Variants in ADAMTS20 observed in about 807,000 individuals in gnomAD.
The protein encoded by ADAMTS20 is ADAM metallopeptidase with thrombospondin type 1 motif 20, also known as A disintegrin and metalloproteinase with thrombospondin motifs 20.
A neutral mutation model predicts 260.1 loss-of-function variants in ADAMTS20; 225 were observed. The ratio of observed to expected loss-of-function variants is 0.87; its 90% CI spans 0.78 to 0.97. The LOEUF is 0.97. Ranked by LOEUF, ADAMTS20 falls within the 50% of genes least tolerant of loss-of-function variation. The pLI, the probability that ADAMTS20 is intolerant of heterozygous loss-of-function variation, is 0.00. For synonymous variants in ADAMTS20, 802 were observed against 769.5 expected (o/e 1.04, Z -0.70); for missense variants, 2,400 against 2,337.7 (o/e 1.03, Z -0.55).
At chr12:43,418,300 G>T (rs1449481665) in intron 28 of ADAMTS20, among the ~76,000 whole-genome samples, 1 of 152,046 alleles carries the variant, frequency 6.6e-6, no homozygotes, top group African/African-American at 2.4e-5. Context: ...CTCCTGCTAG[G>T]TGATTTTGCC....
In ADAMTS20 at chr12:43,383,721, G is replaced by A; in HGVS notation, c.4634C>T (p.Thr1545Ile). Reference protein sequence around the residue: ...GMERGRLNCSTSCERKDSHQR... With the variant: ...GMERGRLNCSISCERKDSHQR... ...ATGTGAATCTTTTCTCTCACATGAT[G>A]TTGAACACTAGAAATGCAATAACCA... The change falls in exon 31 of 39, where the codon ACA (threonine) becomes ATA (isoleucine). Residue 1545 changes from threonine to isoleucine, a missense_variant. Coordinates refer to ENST00000389420, the MANE Select transcript of ADAMTS20 (RefSeq NM_025003.5). 6.2e-7 allele frequency: 1 copy of A among 1,613,808 alleles called. No homozygotes were observed. The highest frequency in any genetic ancestry group is 8.5e-7 in the Non-Finnish European group (1 of 1,179,806).
Position 43,525,476 on chromosome 12 carries a change from A to G in ADAMTS20, c.613+6560T>C, listed in dbSNP as rs531995587. Among the ~76,000 whole-genome samples the G allele has an allele frequency of 3.9e-5, 6 of 152,316 alleles. No individual in the cohort carries two copies. The South Asian group carries it at 1.0e-3, about 26-fold the overall frequency. On this transcript the variant is annotated intron_variant, in intron 3 of 38. Coordinates refer to ENST00000389420, the MANE Select transcript of ADAMTS20 (RefSeq NM_025003.5). ...GAAACAATTACACAACGAAAAAAGTATCTAGGTAACAATTAACATGATGAA... is the reference window on the plus strand; with the variant it reads ...GAAACAATTACACAACGAAAAAAGTGTCTAGGTAACAATTAACATGATGAA...
intron 5 of ADAMTS20, 41 bp downstream of exon 5, chr12:43,493,128 CT>C (rs1451284886): frequency 1.5e-6 from 2 of 1,349,716 alleles, no homozygotes; most frequent in African/African-American, 2.9e-5. Flanking sequence ...TCACTAAAAA[CT>C]TACTACAACT....
At chr12:43,494,073 G>C (rs1942643795) in intron 4 of ADAMTS20, among the ~76,000 whole-genome samples, 1 of 152,154 alleles carries the variant, frequency 6.6e-6, no homozygotes, top group African/African-American at 2.4e-5. Flanking sequence ...CATGGCCAAT[G>C]CCTCTGCCTG....
At chr12:43,540,614 G>T (rs963529869) in intron 2 of ADAMTS20, among the ~76,000 whole-genome samples, 1 of 134,882 alleles carries the variant, frequency 7.4e-6, no homozygotes, top group African/African-American at 2.7e-5. Flanking sequence ...AACTTGGAAA[G>T]AACCCAGCAA....
rs747954340 is a variant in ADAMTS20 at position 43,354,091 on chromosome 12, G to T, written c.*118C>A. On this transcript the variant is annotated 3_prime_UTR_variant, in exon 39 of 39. Transcript: ENST00000389420. Reference sequence around the variant, plus strand: ...CCCTGATGAGCACCCTGAAAAAAAGGCAGAGACATATTGGACATGGAAATC... The same window carrying T: ...CCCTGATGAGCACCCTGAAAAAAAGTCAGAGACATATTGGACATGGAAATC... The T allele has an allele frequency of 4.3e-6, 3 of 693,044 alleles. No homozygotes were observed. Among genetic ancestry groups the T allele is most frequent in the Admixed American group, 3.2e-5 (1 of 31,430 alleles). 42.9% of individuals were successfully genotyped at this position (693,044 alleles called of 1,614,324 possible).
chr12:43,551,989 C>A lies in ADAMTS20; in HGVS notation c.-68G>T. On this transcript the variant is annotated 5_prime_UTR_variant, in exon 1 of 39. Transcript: ENST00000389420. This position sits in a 1 kb window ranked among gnomAD's most constrained non-coding sequence, Gnocchi z 4.6. The stretch of plus-strand genomic sequence containing the variant: ...CGCCGGCAGCCAAGCCGGCTTCCCT[C>A]GCGCTCCGATCCCTCTCCTCCCTCT... 7.3e-7 allele frequency: 1 copy of A among 1,374,732 alleles called. No individual in the cohort carries two copies. Among genetic ancestry groups the A allele is most frequent in the Admixed American group, 1.7e-5 (1 of 58,536 alleles). 85.2% of individuals were successfully genotyped at this position (1,374,732 alleles called of 1,614,324 possible).
intron 28 of ADAMTS20, among the ~76,000 whole-genome samples, chr12:43,405,417 CTAATAATAATAA>C (rs66970122): frequency 0.014 from 1,908 of 135,720 alleles, 27 homozygotes; most frequent in African/African-American, 0.021. Flanking sequence ...GACGTCTTCT[CTAATAATAATAA>C]TAATAATAAT....
At chr12:43,358,913 G>A (rs1175444963) in intron 37 of ADAMTS20, among the ~76,000 whole-genome samples, 2 of 150,462 alleles carry the variant, frequency 1.3e-5, no homozygotes, top group African/African-American at 4.9e-5. Flanking sequence ...CATTCCTATA[G>A]GATTTTAGAA....
chr12:43,488,841 A>C (rs1942560445), intron 7 of ADAMTS20, among the ~76,000 whole-genome samples: 1 of 152,142 alleles, frequency 6.6e-6, no homozygotes, highest in African/African-American at 2.4e-5. Context: ...GAAATCTCCA[A>C]TAATTGTTTT....
chr12:43,513,208 C>T (rs1942948915), intron 3 of ADAMTS20, among the ~76,000 whole-genome samples: 1 of 152,164 alleles, frequency 6.6e-6, no homozygotes, highest in South Asian at 2.1e-4. Flanking sequence ...ATTCTACCTC[C>T]TCCCACTATG....
chr12:43,485,094 C>CAA (rs59409245), intron 7 of ADAMTS20, among the ~76,000 whole-genome samples: 20 of 118,736 alleles, frequency 1.7e-4, no homozygotes, highest in Admixed American at 4.9e-4. Context: ...AGGACGTAGC[C>CAA]AAAAAAAAAA....
intron 26 of ADAMTS20, 70 bp from the exon 27 acceptor site, chr12:43,427,539 A>C: frequency 7.0e-7 from 1 of 1,432,964 alleles, no homozygotes; most frequent in Non-Finnish European, 9.2e-7. Flanking sequence ...TGGTAAAAAA[A>C]AAAAATCAGC....
chr12:43,522,325 C>T (rs1163926353), intron 3 of ADAMTS20, among the ~76,000 whole-genome samples: 1 of 152,190 alleles, frequency 6.6e-6, no homozygotes, highest in East Asian at 1.9e-4. Context: ...GATCCAATTA[C>T]CCCCACCTGG....
chr12:43,384,999 ATTT>A (rs1940440861), intron 29 of ADAMTS20, among the ~76,000 whole-genome samples: 2 of 152,134 alleles, frequency 1.3e-5, no homozygotes, highest in Non-Finnish European at 2.9e-5. Context: ...GTCAAATGCT[ATTT>A]CTGGTTCTAC....
intron 10 of ADAMTS20, among the ~76,000 whole-genome samples, chr12:43,463,402 T>C (rs540904177): frequency 6.6e-6 from 1 of 152,210 alleles, no homozygotes; most frequent in Non-Finnish European, 1.5e-5. Context: ...ATTGAAATAA[T>C]GTATAATGTA....
At chr12:43,427,168 G>A (rs1941348585) in intron 27 of ADAMTS20, 140 bp downstream of exon 27, 2 of 931,166 alleles carry the variant, frequency 2.1e-6, no homozygotes, top group Non-Finnish European at 3.0e-6. Context: ...GTGAGACCCT[G>A]TCTCCAAAAA....
intron 7 of ADAMTS20, among the ~76,000 whole-genome samples, chr12:43,477,024 C>A (rs1445736766): frequency 1.2e-4 from 14 of 116,992 alleles, no homozygotes; most frequent in Admixed American, 1.7e-4. Flanking sequence ...AGACATGATA[C>A]AAGATGATTT....
chr12:43,427,301 GACTTACTTCTCCCC>G lies in ADAMTS20; in HGVS notation c.4100_4107+6del. On this transcript the variant is annotated splice_donor_variant and splice_donor_5th_base_variant and coding_sequence_variant and intron_variant, in exon 27 of 39. Coordinates refer to ENST00000389420, the MANE Select transcript of ADAMTS20 (RefSeq NM_025003.5). LOFTEE classifies it high-confidence loss of function. ...ATCTCACAAGTTTAGAAAATATTAT[GACTTACTTCTCCCC>G]AATTTCCGTAGTTCCACTGTGGACA... is the stretch of plus-strand genomic sequence containing the variant. The G allele has an allele frequency of 6.2e-7, 1 of 1,610,150 alleles. No homozygotes were observed. Among genetic ancestry groups the G allele is most frequent in the Non-Finnish European group, 8.5e-7 (1 of 1,178,736 alleles).
Sources: gnomAD v4.1 joint callset for allele counts (sites outside exome capture counted in the v4.1 genomes callset) on GRCh38, gnomAD v4.1.1 for gene constraint, Gnocchi (gnomAD v3.1) non-coding constraint, MANE v1.5 for transcripts, NCBI Gene and HGNC (gene_info 2026-07-23, HGNC 2026-07-21) for gene names.